The following NAV3 variants were observed in gnomAD, a reference collection of about 807,000 sequenced individuals.
The protein encoded by NAV3 is neuron navigator 3.
A neutral mutation model predicts 244.7 loss-of-function variants in NAV3; 87 were observed. The ratio of observed to expected loss-of-function variants is 0.36; its 90% CI spans 0.30 to 0.42. The LOEUF (loss-of-function observed/expected upper bound fraction) is 0.42. NAV3 is among the 20% of genes least tolerant of loss of function. The probability of loss-of-function intolerance (pLI) is 1.00; values close to 1 mark genes in which losing one functional copy is unlikely to be tolerated. For synonymous variants in NAV3, 1,126 were observed against 1,042.2 expected (o/e 1.08, Z -1.55); for missense variants, 2,663 against 2,893.3 (o/e 0.92, Z 1.83).
chr12:78,044,941 C>T (rs1017389216), intron 9 of NAV3, among the ~76,000 whole-genome samples: 2 of 152,154 alleles, frequency 1.3e-5, no homozygotes, highest in Non-Finnish European at 2.9e-5. Context: ...TGCCTGATTA[C>T]CCTTGCCAAA....
intron 1 of NAV3, among the ~76,000 whole-genome samples, chr12:77,913,972 C>CT (rs5799357): frequency 3.3e-5 from 5 of 150,456 alleles, no homozygotes; most frequent in South Asian, 2.1e-4. Context: ...GTTGACTGTC[C>CT]TTTTTTTTTT....
chr12:77,866,157 T>A (rs1220243028), intron 1 of NAV3, among the ~76,000 whole-genome samples: 1 of 152,198 alleles, frequency 6.6e-6, no homozygotes, highest in Non-Finnish European at 1.5e-5. Flanking sequence ...AAATAATTCT[T>A]GAATGCATCT....
chr12:77,810,079 C>A (rs1872206034), intron 2 of NAV3, among the ~76,000 whole-genome samples: 2 of 152,192 alleles, frequency 1.3e-5, no homozygotes, highest in African/African-American at 4.8e-5. Context: ...ATTTCAAATT[C>A]TATGGGTAGA....
chr12:78,029,039 T>G (rs1003517937), intron 9 of NAV3, among the ~76,000 whole-genome samples: 1 of 152,100 alleles, frequency 6.6e-6, no homozygotes, highest in African/African-American at 2.4e-5. Context: ...TGGAATGCAG[T>G]GACTAAAGAC....
intron 1 of NAV3, among the ~76,000 whole-genome samples, chr12:77,904,307 T>G (rs563171814): frequency 6.6e-6 from 1 of 152,102 alleles, no homozygotes; most frequent in Non-Finnish European, 1.5e-5. Flanking sequence ...TGGAATACTA[T>G]GCAGCCATAA....
chr12:77,788,608 CT>C (rs78745838), intron 2 of NAV3, among the ~76,000 whole-genome samples: 1,588 of 139,356 alleles, frequency 0.011, 9 homozygotes, highest in African/African-American at 0.025. Flanking sequence ...GCATTTGGTG[CT>C]TTTTTTTTTT....
chr12:78,186,643 C>A (rs932747274), intron 31 of NAV3, among the ~76,000 whole-genome samples: 4 of 151,126 alleles, frequency 2.6e-5, no homozygotes, highest in African/African-American at 9.7e-5. Context: ...AATAAGATTT[C>A]CTGTTCACAG....
intron 12 of NAV3, among the ~76,000 whole-genome samples, chr12:78,116,004 T>C (rs184469418): frequency 1.3e-5 from 2 of 152,338 alleles, no homozygotes; most frequent in African/African-American, 4.8e-5. Context: ...TTCAAATGGA[T>C]TTTCTTATGC....
chr12:78,018,150 C>T (rs1876546005), intron 8 of NAV3, among the ~76,000 whole-genome samples: 1 of 152,000 alleles, frequency 6.6e-6, no homozygotes, highest in African/African-American at 2.4e-5. Flanking sequence ...AGAAATACAC[C>T]AGAGAACTTA....
At chr12:78,054,528 G>A (rs1044106444) in intron 11 of NAV3, among the ~76,000 whole-genome samples, 3 of 152,204 alleles carry the variant, frequency 2.0e-5, no homozygotes, top group Non-Finnish European at 4.4e-5. Flanking sequence ...AAGGAAATAT[G>A]CAAAGTGAAT....
At chr12:78,111,854 CATAT>C (rs1190773061) in intron 12 of NAV3, among the ~76,000 whole-genome samples, 1 of 152,064 alleles carries the variant, frequency 6.6e-6, no homozygotes, top group African/African-American at 2.4e-5. Flanking sequence ...AATTTATATG[CATAT>C]ATTCCTGTGA....
At chr12:78,080,759 C>A (rs779497507) in intron 12 of NAV3, among the ~76,000 whole-genome samples, 4 of 152,192 alleles carry the variant, frequency 2.6e-5, no homozygotes, top group Non-Finnish European at 4.4e-5. Context: ...CTATTTGATG[C>A]TCTGTTTTGT....
At chr12:78,022,891 C>A (rs924910549) in intron 9 of NAV3, among the ~76,000 whole-genome samples, 1 of 152,074 alleles carries the variant, frequency 6.6e-6, no homozygotes, top group African/African-American at 2.4e-5. Context: ...TAACATTAGG[C>A]GTCAGAGGTT....
At chr12:77,737,552 A>T (rs577215520) in intron 2 of NAV3, among the ~76,000 whole-genome samples, 64 of 152,202 alleles carry the variant, frequency 4.2e-4, no homozygotes, top group African/African-American at 1.5e-3. Flanking sequence ...TCACTAAAGG[A>T]AAGTGAGGAG....
chr12:77,590,740 A>G (rs1565727686), intron 2 of NAV3, among the ~76,000 whole-genome samples: 1 of 152,234 alleles, frequency 6.6e-6, no homozygotes, highest in Non-Finnish European at 1.5e-5. Flanking sequence ...TTTATATATA[A>G]AAGCTTAAAA....
At chr12:77,966,124 T>C in intron 3 of NAV3, 105 bp from the exon 4 acceptor site, 1 of 963,574 alleles carries the variant, frequency 1.0e-6, no homozygotes, top group South Asian at 1.4e-5. Flanking sequence ...ATGAAATGAA[T>C]GTAAACTATT....
intron 1 of NAV3, among the ~76,000 whole-genome samples, chr12:77,899,326 T>C (rs541741803): frequency 2.0e-5 from 3 of 152,326 alleles, no homozygotes; most frequent in African/African-American, 7.2e-5. Context: ...GAGAACTCTT[T>C]CATGAAAGTC....
chr12:78,010,290 C>G (rs185813909), intron 8 of NAV3, among the ~76,000 whole-genome samples: 1 of 152,086 alleles, frequency 6.6e-6, no homozygotes, highest in Non-Finnish European at 1.5e-5. Flanking sequence ...ACTGTTCTAT[C>G]CCCATGTAAG....
intron 2 of NAV3, among the ~76,000 whole-genome samples, chr12:77,628,774 C>T (rs1342172303): frequency 6.6e-6 from 1 of 151,584 alleles, no homozygotes; most frequent in East Asian, 1.9e-4. Context: ...GCTTGTGGTC[C>T]CAGCTACTGG....
Sources: gnomAD v4.1 joint callset for allele counts (sites outside exome capture counted in the v4.1 genomes callset) on GRCh38, gnomAD v4.1.1 for gene constraint, MANE v1.5 for transcripts, NCBI Gene and HGNC (gene_info 2026-07-23, HGNC 2026-07-21) for gene names.